Variants in RFX4 observed in about 807,000 individuals in gnomAD.
RFX4 encodes transcription factor RFX4.
Under a neutral mutation model 95.0 loss-of-function variants are expected in RFX4, and 10 were observed. The ratio of observed to expected loss-of-function variants is 0.11; its 90% confidence interval spans 0.06 to 0.18. The LOEUF (loss-of-function observed/expected upper bound fraction) is 0.18. RFX4 is among the 10% of genes least tolerant of loss of function. The pLI, the probability that RFX4 is intolerant of heterozygous loss-of-function variation, is 1.00. For missense variants in RFX4, 640 were observed against 922.0 expected (o/e 0.69, Z 3.96); for synonymous variants, 321 against 340.7 (o/e 0.94, Z 0.64).
At chr12:106,596,182 C>T (rs1175625433) in intron 1 of RFX4, among the ~76,000 whole-genome samples, 1 of 152,162 alleles carries the variant, frequency 6.6e-6, no homozygotes, top group Non-Finnish European at 1.5e-5. Context: ...TTGTGGGAGG[C>T]ACCTGGTGGG....
rs748315937 is a variant in RFX4 at position 106,732,978 on chromosome 12, C to T, written c.1526C>T (p.Pro509Leu). 1.2e-6 allele frequency: 2 copies of T among 1,614,178 alleles called. No homozygotes were observed. Among genetic ancestry groups the T allele is most frequent in the South Asian group, 2.2e-5 (2 of 91,082 alleles). Reference protein sequence around the residue: ...LTEAAAPTPSPVPSFSPAKSA... With the variant: ...LTEAAAPTPSLVPSFSPAKSA... ...GAGGCTGCCGCACCAACCCCTTCAC[C>T]AGTGCCATCGTTTTCTCCAGCAAAA... Residue 509 changes from proline (P) to leucine (L), a missense_variant, in exon 15 of 18, where the codon CCA (proline) becomes CTA (leucine). Physicochemically the swap from Pro to Leu is moderately conservative, Grantham distance 98 (BLOSUM62 -3). Around this residue, in one of 7 missense-constraint regions of RFX4, gnomAD observed 300 missense variants for 346.8 expected, o/e 0.87. Coordinates refer to ENST00000392842, the MANE Select transcript of RFX4 (RefSeq NM_213594.3).
chr12:106,697,596 T>C (rs1369047696), intron 8 of RFX4, among the ~76,000 whole-genome samples: 1 of 151,916 alleles, frequency 6.6e-6, no homozygotes, highest in Non-Finnish European at 1.5e-5. Context: ...ATTGGCAGGG[T>C]TGGTTCCTTA....
chr12:106,646,169 T>C (rs1383842433), intron 3 of RFX4, among the ~76,000 whole-genome samples: 1 of 152,052 alleles, frequency 6.6e-6, no homozygotes, highest in African/African-American at 2.4e-5. Flanking sequence ...CACAGGTGTG[T>C]AAGGGGGCAC....
intron 15 of RFX4, among the ~76,000 whole-genome samples, chr12:106,741,029 C>T (rs910533212): frequency 3.3e-5 from 5 of 152,144 alleles, no homozygotes; most frequent in African/African-American, 9.7e-5. Flanking sequence ...CAGAGATAGG[C>T]AGAGGCTAGA....
intron 2 of RFX4, among the ~76,000 whole-genome samples, chr12:106,626,872 A>G (rs2040311115): frequency 6.6e-6 from 1 of 152,156 alleles, no homozygotes; most frequent in Admixed American, 6.5e-5. Flanking sequence ...TCTAAATGAA[A>G]TGACTCCATC....
chr12:106,614,731 G>C (rs1051834345), intron 2 of RFX4, among the ~76,000 whole-genome samples: 2 of 151,546 alleles, frequency 1.3e-5, no homozygotes, highest in South Asian at 2.1e-4. Flanking sequence ...GGATGGTCTC[G>C]ATCTCCTGAC....
At chr12:106,723,638 C>A (rs914390195) in intron 13 of RFX4, among the ~76,000 whole-genome samples, 2 of 152,184 alleles carry the variant, frequency 1.3e-5, no homozygotes, top group Admixed American at 6.5e-5. Context: ...GCTGGGGAGA[C>A]CATGTGGGCA....
intron 16 of RFX4, among the ~76,000 whole-genome samples, chr12:106,748,936 T>C (rs1458825984): frequency 1.3e-5 from 2 of 151,974 alleles, no homozygotes; most frequent in Admixed American, 6.6e-5. Context: ...AATACAAAAA[T>C]TAGCTAGACG....
intron 1 of RFX4, among the ~76,000 whole-genome samples, chr12:106,585,045 A>T (rs911251664): frequency 6.6e-6 from 1 of 152,218 alleles, no homozygotes; most frequent in African/African-American, 2.4e-5. Flanking sequence ...CTGCGCCCTC[A>T]CCACCTCCTG....
At chr12:106,651,324 G>A (rs961018527) in intron 3 of RFX4, among the ~76,000 whole-genome samples, 1 of 152,120 alleles carries the variant, frequency 6.6e-6, no homozygotes, top group African/African-American at 2.4e-5. Flanking sequence ...TACACCCTCT[G>A]AGCCTCAGAT....
At chr12:106,750,974 T>C (rs1223493411) in intron 17 of RFX4, among the ~76,000 whole-genome samples, 181 bp downstream of exon 17, 1 of 151,992 alleles carries the variant, frequency 6.6e-6, no homozygotes, top group African/African-American at 2.4e-5. Flanking sequence ...TTAGGGTACA[T>C]GTGCACATTG....
intron 1 of RFX4, among the ~76,000 whole-genome samples, chr12:106,592,763 CAG>C (rs2039566938): frequency 6.6e-6 from 1 of 152,100 alleles, no homozygotes. Context: ...TAGCAGGATG[CAG>C]AGAGAGTTTG....
At chr12:106,654,204 C>T in intron 3 of RFX4, 24 bp from the exon 4 acceptor site, 7 of 1,613,350 alleles carry the variant, frequency 4.3e-6, no homozygotes, top group Non-Finnish European at 4.2e-6. Context: ...ACATTTTTTG[C>T]TCATTGGGCG....
rs773180417 is a variant in RFX4 at position 106,720,041 on chromosome 12, G to A, written c.1220G>A (p.Arg407His). The change falls in exon 12 of 18, where the codon CGC becomes CAC. Residue 407 changes from arginine to histidine, a missense_variant. By Grantham distance (29) the Arg-to-His change is conservative. Around this residue, in one of 7 missense-constraint regions of RFX4, gnomAD observed 72 missense variants for 80.5 expected, o/e 0.89. Transcript: ENST00000392842. This position sits in a 1 kb window ranked among gnomAD's most constrained non-coding sequence, Gnocchi z 4.2. ...GAGTGGCTGGATACCATGGTTGACC[G>A]CTGTGTTGTGAAGGTTGGTAAACCG... is the stretch of plus-strand genomic sequence containing the variant. ...YIEWLDTMVD[R>H]CVVKVAAKRQ... The A allele has an allele frequency of 2.2e-5, 36 of 1,613,906 alleles. No homozygotes were observed. Among genetic ancestry groups the A allele is most frequent in the Non-Finnish European group, 2.8e-5 (33 of 1,179,922 alleles).
chr12:106,736,129 G>A (rs1341152978), intron 15 of RFX4, among the ~76,000 whole-genome samples: 1 of 152,132 alleles, frequency 6.6e-6, no homozygotes, highest in Admixed American at 6.5e-5. Context: ...GTGACAAATA[G>A]ATCCAAACAC....
chr12:106,696,324 C>T lies in RFX4; in HGVS notation c.711C>T (p.Pro237=), dbSNP rs2041878847. 6.2e-7 allele frequency: 1 copy of T among 1,614,176 alleles called. No individual in the cohort carries two copies. ...TGCACTTTTGGCAAGGAATGCCGCC[C>T]CACATGCTGCCTGTGCTGGGCTCCT... The part of the protein sequence containing the change: ...FLLHFWQGMP[P]HMLPVLGSST... Residue 237 remains proline, a synonymous_variant, in exon 8 of 18, where the codon CCC becomes CCT. Coordinates refer to ENST00000392842, the MANE Select transcript of RFX4 (RefSeq NM_213594.3).
chr12:106,608,385 G>A (rs1223633975), intron 1 of RFX4, among the ~76,000 whole-genome samples: 2 of 152,200 alleles, frequency 1.3e-5, no homozygotes, highest in Non-Finnish European at 2.9e-5. Flanking sequence ...TTGAAGAAAA[G>A]TTCTGCTGCT....
chr12:106,707,885 C>A (rs191415137), intron 8 of RFX4, among the ~76,000 whole-genome samples: 1 of 152,172 alleles, frequency 6.6e-6, no homozygotes, highest in Non-Finnish European at 1.5e-5. Context: ...GTAATCCCAG[C>A]GCTTTGGGAG....
rs113649913 is a variant in RFX4, at chr12:106,708,430, G to A, written c.834-900G>A. Among the ~76,000 whole-genome samples, 1,258 of 152,092 alleles carry A rather than the reference G, an allele frequency of 8.3e-3. 25 individuals are homozygous for A. Among genetic ancestry groups the A allele is most frequent in the African/African-American group, 0.029 (1,201 of 41,480 alleles). The stretch of plus-strand genomic sequence containing the variant: ...GGGGAATTGGAGGCGTAAGGGTCTT[G>A]AAGAAGGTTGGAGATAGCCATGAGA... On this transcript the variant is annotated intron_variant, in intron 8 of 17. Coordinates refer to ENST00000392842, the MANE Select transcript of RFX4 (RefSeq NM_213594.3).
Sources: gnomAD v4.1 joint callset for allele counts (sites outside exome capture counted in the v4.1 genomes callset) on GRCh38, gnomAD v4.1.1 for gene constraint, gnomAD v4.1.1 regional missense constraint, Gnocchi (gnomAD v3.1) non-coding constraint, MANE v1.5 for transcripts, NCBI Gene and HGNC (gene_info 2026-07-23, HGNC 2026-07-21) for gene names.